Variants in RCN2 observed in about 807,000 individuals in gnomAD.
The protein encoded by RCN2 is reticulocalbin 2, also known as reticulocalbin-2.
Under a neutral mutation model 37.5 loss-of-function variants are expected in RCN2, and 23 were observed. The ratio of observed to expected loss-of-function variants is 0.61; its 90% CI spans 0.44 to 0.87. The LOEUF (loss-of-function observed/expected upper bound fraction) is 0.87. Among genes scored for constraint, RCN2 ranks in the 40% least tolerant of loss-of-function variants. The pLI is 0.00. For synonymous variants in RCN2, 140 were observed against 144.6 expected (o/e 0.97, Z 0.23); for missense variants, 381 against 390.4 (o/e 0.98, Z 0.20).
chr15:76,949,103 G>A lies in RCN2; in HGVS notation c.835G>A (p.Gly279Ser). 6.2e-7 allele frequency: 1 copy of A among 1,608,824 alleles called. No homozygotes were observed. Residue 279 changes from glycine to serine, a missense_variant, in exon 7 of 7, where the codon GGT (glycine) becomes AGT (serine). By Grantham distance (56) the Gly-to-Ser change is moderately conservative (BLOSUM62 0). Transcript: ENST00000394885. ...LHLIDEMDLN[G>S]DKKLSEEEIL... ...TCTAATTGATGAAATGGATTTGAAT[G>A]GTGACAAAAAGCTCTCTGAAGAAGA... is the stretch of plus-strand genomic sequence containing the variant.
Position 76,936,881 on chromosome 15 carries a change from C to T in RCN2, c.447+1159C>T, listed in dbSNP as rs1378178816. 2.0e-5 allele frequency among the ~76,000 whole-genome samples: 3 copies of T among 152,092 alleles called. No individual in the cohort carries two copies. The East Asian group carries it at 5.8e-4, about 29-fold the overall frequency. ...TTCATGGTGTTGTGCAACCAATCTC[C>T]CCGACTCTTTTCATCTTACAGAGTG... On this transcript the variant is annotated intron_variant, in intron 3 of 6. Transcript: ENST00000394885.
chr15:76,954,039 G>GTTTTTTTTTTTTTTTTTTTTTT lies in RCN2; in HGVS notation c.*4830_*4831insTTTTTTTTTTTTTTTTTTTTTT, dbSNP rs60194309. 2 of 131,008 alleles carry GTTTTTTTTTTTTTTTTTTTTTT rather than the reference G, an allele frequency of 1.5e-5. No homozygotes were observed. The highest frequency in any genetic ancestry group is 3.0e-5 in the African/African-American group (1 of 33,742). The allele number at this position is 131,008 out of a possible 1,614,324, so 8.1% of individuals were successfully genotyped here. A position where few individuals can be genotyped will look rare whatever the true frequency, so the allele number is the denominator to read the frequency against. ...TCCTTACCAACACTTGCTATTTTCT[G>GTTTTTTTTTTTTTTTTTTTTTT]TTTTTTTTTTTTTCTTTTTTTTTTT... On this transcript the variant is annotated 3_prime_UTR_variant, in exon 7 of 7. Coordinates refer to ENST00000394885, the MANE Select transcript of RCN2 (RefSeq NM_002902.3).
rs147190935 is a variant in RCN2 at position 76,943,864 on chromosome 15, A to T, written c.554A>T (p.Tyr185Phe). 2 of 1,549,602 alleles carry T rather than the reference A, an allele frequency of 1.3e-6. No homozygotes were observed. The highest frequency in any genetic ancestry group is 3.4e-5 in the Admixed American group (2 of 58,770). Reference sequence around the variant, plus strand: ...TTTGAGCATCCTGAAGAAGTTGATTATATGACGGTAAGAAAGAAACATTTT... The same window carrying T: ...TTTGAGCATCCTGAAGAAGTTGATTTTATGACGGTAAGAAAGAAACATTTT... ...IAFEHPEEVDYMTEFVIQEAL... is the reference protein window; with the variant it reads ...IAFEHPEEVDFMTEFVIQEAL... The change falls in exon 4 of 7, where the codon TAT (tyrosine) becomes TTT (phenylalanine). Residue 185 changes from tyrosine to phenylalanine, a missense_variant. Physicochemically the swap from Tyr to Phe is conservative, Grantham distance 22. Coordinates refer to ENST00000394885, the MANE Select transcript of RCN2 (RefSeq NM_002902.3).
chr15:76,949,346 TAATG>T lies in RCN2; in HGVS notation c.*125_*128del. The T allele has an allele frequency of 1.5e-6, 1 of 665,560 alleles. No individual in the cohort carries two copies. The highest frequency in any genetic ancestry group is 2.2e-6 in the Non-Finnish European group (1 of 447,798). 41.2% of individuals were successfully genotyped at this position (665,560 alleles called of 1,614,324 possible). On this transcript the variant is annotated 3_prime_UTR_variant, in exon 7 of 7. Transcript: ENST00000394885. Reference sequence around the variant, plus strand: ...GTCTTAACCACAGTCAGAATTATCTTAATGTAGATTATAATTTTGGTCTTTTAGG... The same window carrying T: ...GTCTTAACCACAGTCAGAATTATCTTTAGATTATAATTTTGGTCTTTTAGG...
Position 76,932,148 on chromosome 15 carries a change from G to C in RCN2, c.144+163G>C, listed in dbSNP as rs1255484226. 4.6e-5 allele frequency among the ~76,000 whole-genome samples: 7 copies of C among 152,260 alleles called. No individual in the cohort carries two copies. In the East Asian group the frequency reaches 9.7e-4, roughly 21 times the overall value. ...TCGCTCTCTGGGGGTCCTGGGGCCT[G>C]GAAAGCCTGAGGAGATAGCACGGCC... On this transcript the variant is annotated intron_variant, in intron 1 of 6. Coordinates refer to ENST00000394885, the MANE Select transcript of RCN2 (RefSeq NM_002902.3).
rs1021370307 is a variant in RCN2 at position 76,949,831 on chromosome 15, T to C, written c.*609T>C. ...TTATATTTAATGTATAACTATAGCATTATGGTGAGTGGAATTTGACATTGT... is the reference window on the plus strand; with the variant it reads ...TTATATTTAATGTATAACTATAGCACTATGGTGAGTGGAATTTGACATTGT... On this transcript the variant is annotated 3_prime_UTR_variant, in exon 7 of 7. Transcript: ENST00000394885. 6.6e-6 allele frequency: 1 copy of C among 152,652 alleles called. No individual in the cohort carries two copies. The highest frequency in any genetic ancestry group is 1.5e-5 in the Non-Finnish European group (1 of 68,036). The allele number at this position is 152,652 out of a possible 1,614,324, so 9.5% of individuals were successfully genotyped here. A position where few individuals can be genotyped will look rare whatever the true frequency, so the allele number is the denominator to read the frequency against.
At chr15:76,934,258 C>G (rs995106792) in intron 2 of RCN2, among the ~76,000 whole-genome samples, 24 of 151,920 alleles carry the variant, frequency 1.6e-4, no homozygotes, top group African/African-American at 5.8e-4. Context: ...ATTCTTCTGT[C>G]TCAGCCTCCC....
chr15:76,943,840 T>G lies in RCN2; in HGVS notation c.530T>G (p.Phe177Cys). 1 of 1,607,988 alleles carries G rather than the reference T, an allele frequency of 6.2e-7. No individual in the cohort carries two copies. Among genetic ancestry groups the G allele is most frequent in the Non-Finnish European group, 8.5e-7 (1 of 1,175,052 alleles). ...TTGAGTCTTGAAGAATTTATTGCTT[T>G]TGAGCATCCTGAAGAAGTTGATTAT... ...PGLSLEEFIAFEHPEEVDYMT... is the reference protein window; with the variant it reads ...PGLSLEEFIACEHPEEVDYMT... Residue 177 changes from phenylalanine (F) to cysteine (C), a missense_variant, in exon 4 of 7, where the codon TTT (phenylalanine) becomes TGT (cysteine). Phe to Cys is a radical substitution (Grantham distance 205). Transcript: ENST00000394885.
intron 2 of RCN2, among the ~76,000 whole-genome samples, chr15:76,935,277 C>T (rs372569429): frequency 3.3e-4 from 50 of 152,208 alleles, no homozygotes; most frequent in African/African-American, 7.7e-4. Context: ...GAGCTGAGAT[C>T]GCACCACTGC....
Position 76,935,453 on chromosome 15 carries a change from A to C in RCN2, c.251-73A>C, listed in dbSNP as rs539043477. 9.5e-5 allele frequency: 116 copies of C among 1,226,694 alleles called. 1 individual carries two copies. Among genetic ancestry groups the C allele is most frequent in the Non-Finnish European group, 1.3e-4 (108 of 863,978 alleles). The allele number at this position is 1,226,694 out of a possible 1,614,324, so 76.0% of individuals were successfully genotyped here. On this transcript the variant is annotated intron_variant, in intron 2 of 6. Coordinates refer to ENST00000394885, the MANE Select transcript of RCN2 (RefSeq NM_002902.3). ...CATCAAAGATTTTGCCTTTTCAGAG[A>C]AGGTTTGGAAATCCTTACTCTTAAG...
At chr15:76,942,721 A>G (rs1476768700) in intron 3 of RCN2, 2 of 152,216 alleles carry the variant, frequency 1.3e-5, no homozygotes, top group African/African-American at 4.8e-5. Context: ...GCAGGTGGAT[A>G]GCCTGAGCTC....
In RCN2 at chr15:76,952,557, A is replaced by G. The variant is rs2075326480; in HGVS notation, c.*3335A>G. On this transcript the variant is annotated 3_prime_UTR_variant, in exon 7 of 7. Transcript: ENST00000394885. ...TCCATGAACTTCATTTGTAAAACGG[A>G]AATTTATACCCATTAAACAATAAAG... 1 of 152,204 alleles carries G rather than the reference A, an allele frequency of 6.6e-6. No individual in the cohort carries two copies. Among genetic ancestry groups the G allele is most frequent in the Non-Finnish European group, 1.5e-5 (1 of 68,048 alleles). 9.4% of individuals were successfully genotyped at this position (152,204 alleles called of 1,614,324 possible).
chr15:76,940,439 A>G (rs961039298), intron 3 of RCN2, among the ~76,000 whole-genome samples: 4 of 152,228 alleles, frequency 2.6e-5, no homozygotes, highest in Non-Finnish European at 5.9e-5. Context: ...ACACTATACC[A>G]TAAATAAAAT....
intron 2 of RCN2, 116 bp from the exon 3 acceptor site, chr15:76,935,410 A>G (rs2075242706): frequency 7.0e-6 from 5 of 716,760 alleles, no homozygotes; most frequent in South Asian, 3.4e-5. Context: ...AACTAGGCCA[A>G]TTCTCAGTAT....
At chr15:76,947,760 T>C in intron 5 of RCN2, 1 of 409,844 alleles carries the variant, frequency 2.4e-6, no homozygotes, top group Non-Finnish European at 4.3e-6. Context: ...TTCAAACAAA[T>C]CTAATTTTAT....
chr15:76,937,614 C>A (rs186172358), intron 3 of RCN2, among the ~76,000 whole-genome samples: 1 of 151,962 alleles, frequency 6.6e-6, no homozygotes, highest in East Asian at 1.9e-4. Context: ...TACCATCTTG[C>A]CCAGGCTAGT....
Position 76,932,347 on chromosome 15 carries a change from G to T in RCN2, c.145-14G>T. On this transcript the variant is annotated splice_polypyrimidine_tract_variant and intron_variant, in intron 1 of 6. Transcript: ENST00000394885. ...GTAATGCTTGGCCCTCCTGTGTGTC[G>T]CTTCCCCCTAAAGGAAGATGTGGAT... 1 of 1,599,006 alleles carries T rather than the reference G, an allele frequency of 6.3e-7. No individual in the cohort carries two copies. The highest frequency in any genetic ancestry group is 8.6e-7 in the Non-Finnish European group (1 of 1,166,872).
intron 3 of RCN2, among the ~76,000 whole-genome samples, chr15:76,939,509 A>G (rs762591362): frequency 8.6e-5 from 13 of 151,882 alleles, no homozygotes; most frequent in Non-Finnish European, 1.8e-4. Flanking sequence ...TTTTCTTTTT[A>G]TTTGGGTCTT....
intron 3 of RCN2, among the ~76,000 whole-genome samples, chr15:76,937,159 G>C (rs552689922): frequency 6.6e-6 from 1 of 152,252 alleles, no homozygotes; most frequent in Admixed American, 6.5e-5. Flanking sequence ...TACAGGTTGA[G>C]TATCCCTAAT....
Sources: gnomAD v4.1 joint callset for allele counts (sites outside exome capture counted in the v4.1 genomes callset) on GRCh38, gnomAD v4.1.1 for gene constraint, MANE v1.5 for transcripts, NCBI Gene and HGNC (gene_info 2026-07-23, HGNC 2026-07-21) for gene names.